The following TARS2 variants were observed in gnomAD, a reference collection of about 807,000 sequenced individuals.
The protein encoded by TARS2 is threonine--tRNA ligase, mitochondrial.
TARS2 carries 61 observed loss-of-function variants against 94.4 expected under a neutral mutation model. The observed-to-expected ratio is 0.65, with a 90% confidence interval of 0.53 to 0.80. The LOEUF is 0.80. Among genes scored for constraint, TARS2 ranks in the 30% least tolerant of loss-of-function variants. The pLI, the probability that TARS2 is intolerant of heterozygous loss-of-function variation, is 0.00. For synonymous variants in TARS2, 359 were observed against 353.4 expected (o/e 1.02, Z -0.18); for missense variants, 704 against 902.5 (o/e 0.78, Z 2.82).
intron 13 of TARS2, among the ~76,000 whole-genome samples, chr1:150,502,855 A>C (rs1347863007): frequency 6.6e-6 from 1 of 152,236 alleles, no homozygotes; most frequent in South Asian, 2.1e-4. Context: ...AACAGTAATG[A>C]AAGTGTGTCT....
chr1:150,500,104 G>T (rs1311425749), intron 13 of TARS2, among the ~76,000 whole-genome samples: 1 of 152,064 alleles, frequency 6.6e-6, no homozygotes, highest in African/African-American at 2.4e-5. Context: ...GGTCCCAGGA[G>T]GTAGAGGCTG....
intron 10 of TARS2, among the ~76,000 whole-genome samples, chr1:150,498,041 C>T (rs865968108): frequency 1.1e-4 from 16 of 147,116 alleles, no homozygotes; most frequent in Admixed American, 2.1e-4. Flanking sequence ...TGCAGTGAGC[C>T]GAGATCGCGC....
chr1:150,494,505 C>T (rs928781026), intron 7 of TARS2, among the ~76,000 whole-genome samples: 1 of 149,598 alleles, frequency 6.7e-6, no homozygotes, highest in African/African-American at 2.5e-5. Context: ...TTTGGGAGGC[C>T]AAGTTGGGCG....
At position 150,487,856 on chromosome 1, in the gene TARS2, A is replaced by C. The variant is rs746345179; in HGVS notation, c.67-2A>C. The C allele has an allele frequency of 6.2e-7, 1 of 1,611,988 alleles. No individual in the cohort carries two copies. The highest frequency in any genetic ancestry group is 8.5e-7 in the Non-Finnish European group (1 of 1,179,598). On this transcript the variant is annotated splice_acceptor_variant, in intron 1 of 17. Coordinates refer to ENST00000369064, the MANE Select transcript of TARS2 (RefSeq NM_025150.5). LOFTEE classifies it high-confidence loss of function. ...TACCTGCTAATATATCTTTCCCTCC[A>C]GGCAGTTGTGTCGACCCCTCCACGC...
Position 150,487,483 on chromosome 1 carries a change from G to C in TARS2, c.33G>C (p.Arg11=). Reference sequence around the variant, plus strand: ...TGTATCAGAGGTGGCGGTGTCTCCGGCTCCAAGGTTTACAGGCTTGCAGGC... The same window carrying C: ...TGTATCAGAGGTGGCGGTGTCTCCGCCTCCAAGGTTTACAGGCTTGCAGGC... MALYQRWRCL[R]LQGLQACRLH... The change falls in exon 1 of 18, where the codon CGG becomes CGC. Residue 11 remains arginine, a synonymous_variant. Transcript: ENST00000369064. 1 of 1,614,218 alleles carries C rather than the reference G, an allele frequency of 6.2e-7. No individual in the cohort carries two copies. Among genetic ancestry groups the C allele is most frequent in the African/African-American group, 1.3e-5 (1 of 75,050 alleles).
Position 150,506,484 on chromosome 1 carries a change from GCGCACACA to G in TARS2, c.2009-430_2009-423del, listed in dbSNP as rs1192302236. ...TCTAATACCCCCTTCAGACACGCGC[GCGCACACA>G]CACACACACACACACACACACACAG... On this transcript the variant is annotated intron_variant, in intron 17 of 17. Transcript: ENST00000369064. Among the ~76,000 whole-genome samples the G allele has an allele frequency of 9.8e-4, 92 of 93,530 alleles. 2 individuals are homozygous for G. The highest frequency in any genetic ancestry group is 2.4e-3 in the Admixed American group (19 of 7,886). The allele number at this position is 93,530 out of a possible 152,430, so 61.4% of individuals were successfully genotyped here. A position where few individuals can be genotyped will look rare whatever the true frequency, so the allele number is the denominator to read the frequency against.
At chr1:150,505,956 T>C (rs587645879) in intron 17 of TARS2, among the ~76,000 whole-genome samples, 1 of 152,238 alleles carries the variant, frequency 6.6e-6, no homozygotes, top group Non-Finnish European at 1.5e-5. Context: ...TGGTGTCTGT[T>C]AGGTTAATTA....
intron 13 of TARS2, among the ~76,000 whole-genome samples, chr1:150,500,491 C>T (rs1341646818): frequency 6.6e-6 from 1 of 152,138 alleles, no homozygotes; most frequent in Admixed American, 6.6e-5. Flanking sequence ...TACTCAGTAG[C>T]CTGAGGCAGG....
intron 13 of TARS2, among the ~76,000 whole-genome samples, chr1:150,502,624 G>A (rs995907265): frequency 3.9e-5 from 6 of 152,026 alleles, no homozygotes; most frequent in African/African-American, 1.4e-4. Context: ...CCTGACCTCA[G>A]GTGGTCCACC....
At chr1:150,503,230 C>T (rs961580743) in intron 13 of TARS2, among the ~76,000 whole-genome samples, 33 of 152,070 alleles carry the variant, frequency 2.2e-4, no homozygotes, top group African/African-American at 7.5e-4. Flanking sequence ...CTTGCAGGGC[C>T]AAAGATGTAG....
intron 13 of TARS2, among the ~76,000 whole-genome samples, chr1:150,503,306 G>A (rs941599424): frequency 2.0e-5 from 3 of 152,128 alleles, no homozygotes; most frequent in African/African-American, 7.2e-5. Context: ...ACAGCTTCAT[G>A]GGATAAGAAA....
At chr1:150,498,785 C>T in intron 11 of TARS2, 112 bp from the exon 12 acceptor site, 2 of 1,607,114 alleles carry the variant, frequency 1.2e-6, no homozygotes, top group South Asian at 1.1e-5. Context: ...ACATTCTACC[C>T]CCAGCTTGCT....
At chr1:150,491,961 G>GTTTTTTT (rs367685337) in intron 6 of TARS2, 74 of 128,734 alleles carry the variant, frequency 5.7e-4, no homozygotes, top group Middle Eastern at 5.0e-3. Context: ...TGCCTGGCTA[G>GTTTTTTT]TTTTTTTTTT....
rs772454527 is a variant in TARS2 at position 150,490,114 on chromosome 1, C to CTTTTTTTTTTTTT, written c.388-477_388-465dup. 3.7e-5 allele frequency among the ~76,000 whole-genome samples: 3 copies of CTTTTTTTTTTTTT among 80,192 alleles called. 1 individual carries two copies. The highest frequency in any genetic ancestry group is 5.2e-5 in the African/African-American group (1 of 19,194). 52.6% of individuals were successfully genotyped at this position (80,192 alleles called of 152,430 possible). A position where few individuals can be genotyped will look rare whatever the true frequency, so the allele number is the denominator to read the frequency against. ...TGGCCTTCTTTCTTTTCTATTCAGT[C>CTTTTTTTTTTTTT]TTTTTTTTTTTTTTTTTTTTTTGAG... On this transcript the variant is annotated intron_variant, in intron 3 of 17. Coordinates refer to ENST00000369064, the MANE Select transcript of TARS2 (RefSeq NM_025150.5).
intron 13 of TARS2, among the ~76,000 whole-genome samples, chr1:150,500,327 C>T (rs1669857665): frequency 3.9e-5 from 6 of 152,142 alleles, no homozygotes; most frequent in East Asian, 1.9e-4. Context: ...TGGTGGCTCA[C>T]GCCTGTAATC....
chr1:150,494,998 G>A (rs1214816408), intron 7 of TARS2, among the ~76,000 whole-genome samples: 2 of 151,684 alleles, frequency 1.3e-5, no homozygotes, highest in Non-Finnish European at 2.9e-5. Flanking sequence ...TGGCTAACAC[G>A]GTGAAACCCT....
At chr1:150,504,220 G>A (rs1670092844) in intron 13 of TARS2, 115 bp from the exon 14 acceptor site, 3 of 908,192 alleles carry the variant, frequency 3.3e-6, no homozygotes, top group Admixed American at 2.1e-5. Flanking sequence ...ACATGATGAA[G>A]GTAGTAGCCC....
chr1:150,505,985 A>C (rs1670183109), intron 17 of TARS2, among the ~76,000 whole-genome samples: 1 of 152,170 alleles, frequency 6.6e-6, no homozygotes, highest in African/African-American at 2.4e-5. Context: ...AGCATCAGAG[A>C]GAAAGGGACG....
chr1:150,505,394 A>G (rs1670156757), intron 16 of TARS2, among the ~76,000 whole-genome samples, 197 bp from the exon 17 acceptor site: 1 of 152,020 alleles, frequency 6.6e-6, no homozygotes, highest in African/African-American at 2.4e-5. Context: ...AGGCAGAAAG[A>G]TTGTGGGGTT....
Sources: allele counts gnomAD v4.1 joint callset (sites outside exome capture counted in the v4.1 genomes callset), GRCh38; gene constraint gnomAD v4.1.1; transcripts MANE v1.5; gene names NCBI Gene and HGNC (gene_info 2026-07-23, HGNC 2026-07-21).